Variants in SLC25A48 observed in about 807,000 individuals in gnomAD.
The protein encoded by SLC25A48 is solute carrier family 25 member 48, also known as CTC-321K16.1.
A neutral mutation model predicts 32.2 loss-of-function variants in SLC25A48; 29 were observed. The ratio of observed to expected loss-of-function variants is 0.90; its 90% CI spans 0.67 to 1.23. The LOEUF is 1.23. Ranked by LOEUF, SLC25A48 falls within the 50% of genes most tolerant of loss-of-function variation. The pLI, the probability that SLC25A48 is intolerant of heterozygous loss-of-function variation, is 0.00. For missense variants in SLC25A48, 399 were observed against 422.7 expected (o/e 0.94, Z 0.49); for synonymous variants, 164 against 172.3 (o/e 0.95, Z 0.38).
chr5:135,794,941 C>T (rs1757129804), intron 3 of SLC25A48, among the ~76,000 whole-genome samples: 1 of 93,116 alleles, frequency 1.1e-5, no homozygotes, highest in African/African-American at 2.8e-5. Flanking sequence ...ACCAAATTCA[C>T]ATGGGGCGTA....
chr5:135,739,461 G>A (rs186980817), intron 3 of SLC25A48, among the ~76,000 whole-genome samples: 63 of 152,232 alleles, frequency 4.1e-4, no homozygotes, highest in Admixed American at 1.0e-3. Context: ...CCTGTGATTC[G>A]TCAGGGGTGT....
At chr5:135,786,008 C>T (rs556955715) in intron 3 of SLC25A48, among the ~76,000 whole-genome samples, 6 of 150,938 alleles carry the variant, frequency 4.0e-5, no homozygotes, top group African/African-American at 1.5e-4. Flanking sequence ...CTCCATGGAT[C>T]CAGTGGGGGA....
intron 2 of SLC25A48, among the ~76,000 whole-genome samples, chr5:135,843,471 T>A (rs951461060): frequency 1.3e-5 from 2 of 152,074 alleles, no homozygotes; most frequent in Admixed American, 1.3e-4. Flanking sequence ...AGACAGATAT[T>A]TTTAGGACAC....
At chr5:135,592,757 G>A (rs1751556277) in intron 1 of SLC25A48, among the ~76,000 whole-genome samples, 1 of 152,138 alleles carries the variant, frequency 6.6e-6, no homozygotes, top group Non-Finnish European at 1.5e-5. Flanking sequence ...GGTAAAGTGA[G>A]GGCGCTGGGA....
At chr5:135,727,171 A>G (rs941241232) in intron 3 of SLC25A48, among the ~76,000 whole-genome samples, 1 of 128,892 alleles carries the variant, frequency 7.8e-6, no homozygotes, top group African/African-American at 2.8e-5. Context: ...TTTTTTACAT[A>G]TATAGCCACA....
rs538442896 is a variant in SLC25A48, at chr5:135,639,689, T to A, written c.-521+4733T>A. On this transcript the variant is annotated intron_variant, in intron 3 of 10. Coordinates refer to the SLC25A48 transcript ENST00000646290. ...GGTCATGTATTAGGAATAAGGACCA[T>A]GCTCTAGAGTAAAGTTCATACCCTG... is the stretch of plus-strand genomic sequence containing the variant. 4.6e-5 allele frequency among the ~76,000 whole-genome samples: 7 copies of A among 152,320 alleles called. No homozygotes were observed. The East Asian group carries it at 1.2e-3, about 25-fold the overall frequency.
intron 3 of SLC25A48, among the ~76,000 whole-genome samples, chr5:135,639,489 G>T (rs551398927): frequency 2.0e-5 from 3 of 152,158 alleles, no homozygotes; most frequent in Non-Finnish European, 4.4e-5. Context: ...AGGAGTCCTC[G>T]GATTCTTGGC....
chr5:135,583,171 A>AGTGTGTGTGTGTGTGT lies in SLC25A48; in HGVS notation c.-849+3583_-849+3584insTGTGTGTGTGTGTGTG, dbSNP rs35679412. ...CAGGCTACAAGGTTGCATGTGAGAA[A>AGTGTGTGTGTGTGTGT]GTGTGTGTGCGTGTGTGTGTGTGTG... is the stretch of plus-strand genomic sequence containing the variant. On this transcript the variant is annotated intron_variant, in intron 1 of 10. Transcript: ENST00000646290. Among the ~76,000 whole-genome samples the AGTGTGTGTGTGTGTGT allele has an allele frequency of 3.3e-4, 50 of 150,576 alleles. 1 individual carries two copies. The highest frequency in any genetic ancestry group is 3.0e-3 in the South Asian group (14 of 4,684).
chr5:135,695,437 A>G (rs1289856224), intron 3 of SLC25A48, among the ~76,000 whole-genome samples: 1 of 152,234 alleles, frequency 6.6e-6, no homozygotes, highest in Non-Finnish European at 1.5e-5. Context: ...GTTTCCTGGG[A>G]TCAGATAATT....
intron 4 of SLC25A48, among the ~76,000 whole-genome samples, chr5:135,858,927 G>T (rs1401253988): frequency 2.6e-5 from 4 of 152,098 alleles, no homozygotes; most frequent in African/African-American, 9.7e-5. Context: ...GGAATTTGGT[G>T]GCAGCAGGTG....
At chr5:135,652,098 A>G (rs1753129630) in intron 3 of SLC25A48, among the ~76,000 whole-genome samples, 1 of 152,206 alleles carries the variant, frequency 6.6e-6, no homozygotes, top group Non-Finnish European at 1.5e-5. Flanking sequence ...CAAAGAAGCC[A>G]AGTTGGCAGG....
At chr5:135,776,383 C>T (rs1450765320) in intron 3 of SLC25A48, among the ~76,000 whole-genome samples, 1 of 151,460 alleles carries the variant, frequency 6.6e-6, no homozygotes, top group Non-Finnish European at 1.5e-5. Flanking sequence ...CTCCCAATAT[C>T]GTGGGGAATG....
At chr5:135,835,279 G>A in intron 1 of SLC25A48, 1 of 453,056 alleles carries the variant, frequency 2.2e-6, no homozygotes, top group South Asian at 1.6e-5. Context: ...TGAGGGTAGC[G>A]CTTGGCTGCT....
At chr5:135,643,346 G>T (rs1752885062) in intron 3 of SLC25A48, among the ~76,000 whole-genome samples, 1 of 152,196 alleles carries the variant, frequency 6.6e-6, no homozygotes, top group Non-Finnish European at 1.5e-5. Flanking sequence ...AGAGAAGGCT[G>T]AGCTGAGTTT....
At chr5:135,837,331 T>A (rs1279836109) in intron 1 of SLC25A48, among the ~76,000 whole-genome samples, 2 of 152,192 alleles carry the variant, frequency 1.3e-5, no homozygotes, top group African/African-American at 2.4e-5. Flanking sequence ...ATCATTGTTC[T>A]GGGATTAGCT....
At chr5:135,650,214 C>T (rs139559793) in intron 3 of SLC25A48, 42 of 308,806 alleles carry the variant, frequency 1.4e-4, no homozygotes, top group Middle Eastern at 2.4e-3. Context: ...TTGCTGAGGC[C>T]TGTATTCTCT....
intron 3 of SLC25A48, among the ~76,000 whole-genome samples, chr5:135,850,909 C>T (rs992995570): frequency 4.6e-5 from 7 of 152,132 alleles, no homozygotes; most frequent in Admixed American, 6.5e-5. Context: ...AGTTTACCTG[C>T]GCCCAGGTCA....
At chr5:135,734,392 T>A (rs1755301409) in intron 3 of SLC25A48, among the ~76,000 whole-genome samples, 1 of 152,076 alleles carries the variant, frequency 6.6e-6, no homozygotes, top group Non-Finnish European at 1.5e-5. Flanking sequence ...CATAAAAGAA[T>A]GTTGTCCAAG....
chr5:135,688,908 A>G (rs1029206380), intron 3 of SLC25A48, among the ~76,000 whole-genome samples: 2 of 152,204 alleles, frequency 1.3e-5, no homozygotes. Context: ...AATAATAGCT[A>G]TCATTCTTTG....
Sources: gnomAD v4.1 joint callset for allele counts (sites outside exome capture counted in the v4.1 genomes callset) on GRCh38, gnomAD v4.1.1 for gene constraint, MANE v1.5 for transcripts, NCBI Gene and HGNC (gene_info 2026-07-23, HGNC 2026-07-21) for gene names.